The following RPS6KA2 variants were observed in gnomAD, a reference collection of about 807,000 sequenced individuals.
RPS6KA2 encodes ribosomal protein S6 kinase A2.
In RPS6KA2, 42 loss-of-function variants were observed where a neutral mutation model predicts 91.8. The ratio of observed to expected loss-of-function variants is 0.46; its 90% CI spans 0.36 to 0.59. RPS6KA2 has a LOEUF of 0.59. Ranked by LOEUF, RPS6KA2 falls within the 20% of genes least tolerant of loss-of-function variation. The probability of loss-of-function intolerance (pLI) is 0.00; values close to 1 mark genes in which losing one functional copy is unlikely to be tolerated. For missense variants in RPS6KA2, 798 were observed against 978.5 expected, an observed-to-expected ratio of 0.82 and a Z score of 2.46; for synonymous variants, 414 against 393.6, an observed-to-expected ratio of 1.05 and a Z score of -0.61.
chr6:166,412,774 G>A lies in RPS6KA2; in HGVS notation c.2190C>T (p.Ser730=). ...AGGGTCCCACCCGCTACAGCCGCGT[G>A]GACGTGAGTCTCTTCATGCCTCTGC... ...AQRRGMKRLT[S]TRL is the part of the protein sequence containing the mutation. The change falls in exon 21 of 21, where the codon TCC becomes TCT. Residue 730 remains serine, a synonymous_variant. Transcript: ENST00000265678. This position sits in a 1 kb window ranked among gnomAD's most constrained non-coding sequence, Gnocchi z 4.3. 1.9e-6 allele frequency: 3 copies of A among 1,598,776 alleles called. No homozygotes were observed. Among genetic ancestry groups the A allele is most frequent in the Admixed American group, 3.5e-5 (2 of 57,792 alleles).
chr6:166,855,647 A>G (rs1449092581), intron 2 of RPS6KA2, among the ~76,000 whole-genome samples: 1 of 152,220 alleles, frequency 6.6e-6, no homozygotes, highest in African/African-American at 2.4e-5. Context: ...GTCTCTAACA[A>G]AAGTTACACA....
chr6:166,565,899 C>T (rs1359689231), intron 1 of RPS6KA2, among the ~76,000 whole-genome samples: 1 of 152,254 alleles, frequency 6.6e-6, no homozygotes, highest in Non-Finnish European at 1.5e-5. Flanking sequence ...CTGCAGCCAG[C>T]ACTGCCAGGC....
At chr6:166,739,843 G>A (rs1326749161) in intron 2 of RPS6KA2, among the ~76,000 whole-genome samples, 1 of 152,250 alleles carries the variant, frequency 6.6e-6, no homozygotes, top group Non-Finnish European at 1.5e-5. Context: ...CGTGGTATCA[G>A]GAGGGCAGTC....
chr6:166,823,784 G>A (rs923311299), intron 2 of RPS6KA2, among the ~76,000 whole-genome samples: 1 of 152,166 alleles, frequency 6.6e-6, no homozygotes, highest in Admixed American at 6.5e-5. Context: ...AATGTAGAGA[G>A]AAGTGAACCT....
intron 2 of RPS6KA2, among the ~76,000 whole-genome samples, chr6:166,831,116 C>T (rs945898181): frequency 6.6e-6 from 1 of 152,116 alleles, no homozygotes; most frequent in East Asian, 1.9e-4. Flanking sequence ...CGGAGAGAAC[C>T]CCTGATGGAA....
chr6:166,752,130 T>G (rs962860145), intron 2 of RPS6KA2, among the ~76,000 whole-genome samples: 11 of 152,258 alleles, frequency 7.2e-5, no homozygotes, highest in African/African-American at 2.7e-4. Context: ...CAATGCTTAT[T>G]ATTTTAAATA....
intron 2 of RPS6KA2, among the ~76,000 whole-genome samples, chr6:166,731,468 G>A (rs1790516310): frequency 6.6e-6 from 1 of 151,932 alleles, no homozygotes; most frequent in African/African-American, 2.4e-5. Flanking sequence ...GTGGGGGCGG[G>A]GCAAGGAACT....
At chr6:166,759,066 C>CGTGT (rs3066763) in intron 2 of RPS6KA2, among the ~76,000 whole-genome samples, 8,919 of 151,554 alleles carry the variant, frequency 0.059, 517 homozygotes, top group African/African-American at 0.15. Flanking sequence ...ATGTTGCATT[C>CGTGT]GTGTGTGTGT....
chr6:166,588,957 G>A (rs1283502313), intron 1 of RPS6KA2, among the ~76,000 whole-genome samples: 1 of 152,224 alleles, frequency 6.6e-6, no homozygotes, highest in Non-Finnish European at 1.5e-5. Flanking sequence ...AAATTGGGGG[G>A]AGGAGGAGTG....
intron 17 of RPS6KA2, among the ~76,000 whole-genome samples, chr6:166,421,127 C>T (rs1778705536): frequency 6.6e-6 from 1 of 152,184 alleles, no homozygotes; most frequent in Non-Finnish European, 1.5e-5. Context: ...AGCGGGGTGA[C>T]CTTCAGAAGT....
rs768362969 is a variant in RPS6KA2, at chr6:166,500,920, G to C, written c.571C>G (p.Leu191Val). 1 of 1,613,938 alleles carries C rather than the reference G, an allele frequency of 6.2e-7. No individual in the cohort carries two copies. The highest frequency in any genetic ancestry group is 8.5e-7 in the Non-Finnish European group (1 of 1,179,864). ...TTAATGTGCCCCTCTTCATCCAGGAGGATGCTAAAAGAAAGGGAGAGAAAA... is the reference window on the plus strand; with the variant it reads ...TTAATGTGCCCCTCTTCATCCAGGACGATGCTAAAAGAAAGGGAGAGAAAA... The part of the protein sequence containing the change: ...IYRDLKPENI[L>V]LDEEGHIKIT... Residue 191 changes from leucine to valine, a missense_variant, in exon 7 of 21, where the codon CTC becomes GTC. By Grantham distance (32) the Leu-to-Val change is conservative (BLOSUM62 1). Transcript: ENST00000265678. This position sits in a 1 kb window ranked among gnomAD's most constrained non-coding sequence, Gnocchi z 4.3.
upstream of RPS6KA2, among the ~76,000 whole-genome samples, chr6:166,629,777 C>G (rs1005196731): frequency 6.6e-6 from 1 of 152,160 alleles, no homozygotes; most frequent in African/African-American, 2.4e-5. Flanking sequence ...GACTCAAGCA[C>G]AGTAAGTTTG....
intron 1 of RPS6KA2, among the ~76,000 whole-genome samples, chr6:166,566,236 G>A (rs1763230299): frequency 6.6e-6 from 1 of 152,192 alleles, no homozygotes; most frequent in Non-Finnish European, 1.5e-5. Context: ...CTTCATGATT[G>A]TACCACATGG....
intron 2 of RPS6KA2, among the ~76,000 whole-genome samples, chr6:166,663,281 T>G (rs1788210771): frequency 6.6e-6 from 1 of 152,160 alleles, no homozygotes; most frequent in African/African-American, 2.4e-5. Flanking sequence ...TCAGCTTTGC[T>G]CTACCCAAGG....
In RPS6KA2 at chr6:166,648,801, C is replaced by T. The variant is rs150068251; in HGVS notation, c.124-110017G>A. The stretch of plus-strand genomic sequence containing the variant: ...ATGGCACCGACCATCTGTGACTGTC[C>T]GACTCAAAACATCGGTGCCTGGCAC... On this transcript the variant is annotated intron_variant, in intron 2 of 21. Transcript: ENST00000503859. The surrounding 1 kb of genome is among the most constrained non-coding windows in gnomAD (Gnocchi z 4.8). 5.7e-3 allele frequency among the ~76,000 whole-genome samples: 875 copies of T among 152,176 alleles called. 7 individuals are homozygous for T. The highest frequency in any genetic ancestry group is 0.02 in the African/African-American group (821 of 41,526).
intron 3 of RPS6KA2, among the ~76,000 whole-genome samples, chr6:166,526,341 C>CTTTTTTTTT (rs10616497): frequency 9.8e-6 from 1 of 101,852 alleles, no homozygotes; most frequent in African/African-American, 3.8e-5. Flanking sequence ...GTTTATATGG[C>CTTTTTTTTT]TTTTTTTTTT....
chr6:166,718,489 T>C (rs2128583486), intron 2 of RPS6KA2, among the ~76,000 whole-genome samples: 1 of 152,342 alleles, frequency 6.6e-6, no homozygotes, highest in South Asian at 2.1e-4. Flanking sequence ...AAAGTAATAG[T>C]TGTAAGGCCA....
At chr6:166,547,914 C>A (rs1783881495) in intron 1 of RPS6KA2, among the ~76,000 whole-genome samples, 1 of 152,206 alleles carries the variant, frequency 6.6e-6, no homozygotes, top group African/African-American at 2.4e-5. Flanking sequence ...AACGTGCACA[C>A]CTTCTGACCC....
chr6:166,422,519 CCT>C (rs1194532806), intron 17 of RPS6KA2, among the ~76,000 whole-genome samples: 1 of 152,212 alleles, frequency 6.6e-6, no homozygotes, highest in African/African-American at 2.4e-5. Flanking sequence ...TCCCTCCTCC[CCT>C]GTCCCATTGG....
Sources: allele counts gnomAD v4.1 joint callset (sites outside exome capture counted in the v4.1 genomes callset), GRCh38; gene constraint gnomAD v4.1.1; non-coding constraint Gnocchi (gnomAD v3.1); transcripts MANE v1.5; gene names NCBI Gene and HGNC (gene_info 2026-07-23, HGNC 2026-07-21).